The following KRABD5 variants were observed in gnomAD, a reference collection of about 807,000 sequenced individuals.
The protein encoded by KRABD5 is KRAB domain containing 5.
chr16:31,717,953 G>C, the KRABD5 span, among the ~76,000 whole-genome samples: 1 of 152,136 alleles, frequency 6.6e-6, no homozygotes, highest in East Asian at 1.9e-4. Flanking sequence ...AAGTTCACAG[G>C]GCATCAGTTA....
chr16:31,747,471 G>T, the KRABD5 span, among the ~76,000 whole-genome samples: 1 of 152,178 alleles, frequency 6.6e-6, no homozygotes, highest in South Asian at 2.1e-4. Context: ...TGTCTTTATA[G>T]AAGCATGATT....
the KRABD5 span, chr16:31,759,484 C>A: frequency 7.3e-7 from 1 of 1,372,608 alleles, no homozygotes; most frequent in Non-Finnish European, 1.0e-6. Context: ...TTATATGGGT[C>A]TATTTATTTG....
At chr16:31,734,961 C>G in the KRABD5 span, among the ~76,000 whole-genome samples, 1 of 152,040 alleles carries the variant, frequency 6.6e-6, no homozygotes, top group Non-Finnish European at 1.5e-5. Context: ...ATTGGCCAGA[C>G]TGGTCTTGAA....
chr16:31,745,712 C>T, the KRABD5 span, among the ~76,000 whole-genome samples: 1 of 152,116 alleles, frequency 6.6e-6, no homozygotes, highest in Non-Finnish European at 1.5e-5. Flanking sequence ...CTAATATTGA[C>T]AGTGGAGTGT....
At chr16:31,713,529 C>T in the KRABD5 span, 5 of 1,487,386 alleles carry the variant, frequency 3.4e-6, no homozygotes, top group South Asian at 1.3e-5. Flanking sequence ...GGTCTGGGCC[C>T]TGAGTCCCCG....
the KRABD5 span, among the ~76,000 whole-genome samples, chr16:31,722,156 C>G: frequency 1.3e-5 from 2 of 152,248 alleles, no homozygotes; most frequent in East Asian, 3.9e-4. Context: ...CTCACTGCAA[C>G]CTCCACTTCC....
At chr16:31,756,883 T>G in the KRABD5 span, 1 of 152,202 alleles carries the variant, frequency 6.6e-6, no homozygotes, top group Non-Finnish European at 1.5e-5. Context: ...TGTACCTGTC[T>G]TCAAATGGAA....
At chr16:31,749,834 T>A in the KRABD5 span, among the ~76,000 whole-genome samples, 1 of 152,182 alleles carries the variant, frequency 6.6e-6, no homozygotes, top group African/African-American at 2.4e-5. Flanking sequence ...CACTTATTAT[T>A]GTTCTTTTCG....
chr16:31,725,778 C>G, the KRABD5 span, among the ~76,000 whole-genome samples: 1 of 152,192 alleles, frequency 6.6e-6, no homozygotes. Context: ...TATGTAATCC[C>G]TGGAAGACTT....
chr16:31,750,926 AT>A, the KRABD5 span, among the ~76,000 whole-genome samples: 1 of 151,912 alleles, frequency 6.6e-6, no homozygotes, highest in Non-Finnish European at 1.5e-5. Flanking sequence ...CACCCAGCTA[AT>A]TTTTGTATTT....
chr16:31,718,961 A>G, the KRABD5 span, among the ~76,000 whole-genome samples: 2 of 152,248 alleles, frequency 1.3e-5, no homozygotes, highest in Non-Finnish European at 2.9e-5. Context: ...TCACAGAAGG[A>G]ATCTCTTTAT....
the KRABD5 span, among the ~76,000 whole-genome samples, chr16:31,752,281 T>G: frequency 2.6e-5 from 4 of 152,336 alleles, no homozygotes; most frequent in South Asian, 4.1e-4. Flanking sequence ...CCAGTTGGTC[T>G]ATTCTGTAGA....
chr16:31,730,027 G>C, the KRABD5 span, among the ~76,000 whole-genome samples: 20 of 151,996 alleles, frequency 1.3e-4, no homozygotes, highest in African/African-American at 4.6e-4. Flanking sequence ...TTGTTTTATA[G>C]TTCTTATACT....
chr16:31,720,628 C>T, the KRABD5 span, among the ~76,000 whole-genome samples: 3 of 152,126 alleles, frequency 2.0e-5, no homozygotes, highest in South Asian at 2.1e-4. Flanking sequence ...TAATATACAA[C>T]GATTATGGGT....
At chr16:31,728,341 A>C in the KRABD5 span, among the ~76,000 whole-genome samples, 1 of 151,588 alleles carries the variant, frequency 6.6e-6, no homozygotes, top group African/African-American at 2.4e-5. Flanking sequence ...TAACATTGGG[A>C]TTATTTTGTT....
At chr16:31,757,734 T>A in the KRABD5 span, 2 of 152,186 alleles carry the variant, frequency 1.3e-5, no homozygotes, top group Admixed American at 1.3e-4. Context: ...AATGCTAGCA[T>A]GAATCTTGTG....
the KRABD5 span, among the ~76,000 whole-genome samples, chr16:31,722,342 C>T: frequency 6.6e-6 from 1 of 152,206 alleles, no homozygotes; most frequent in Non-Finnish European, 1.5e-5. Flanking sequence ...GCTGAGATTA[C>T]AGGTATGAGC....
chr16:31,736,050 T>C, the KRABD5 span, among the ~76,000 whole-genome samples: 1 of 152,232 alleles, frequency 6.6e-6, no homozygotes, highest in East Asian at 1.9e-4. Context: ...TTTAAGTCTA[T>C]AATCCATTTT....
chr16:31,720,165 A>G, the KRABD5 span, among the ~76,000 whole-genome samples: 2 of 152,356 alleles, frequency 1.3e-5, no homozygotes, highest in Middle Eastern at 3.4e-3. Context: ...GCATGTATCC[A>G]TGCTGTTTTC....
Sources: allele counts gnomAD v4.1 joint callset (sites outside exome capture counted in the v4.1 genomes callset), GRCh38; gene constraint gnomAD v4.1.1; transcripts MANE v1.5; gene names NCBI Gene and HGNC (gene_info 2026-07-23, HGNC 2026-07-21).